The following SGCZ variants were observed in gnomAD, a reference collection of about 807,000 sequenced individuals.
SGCZ encodes zeta-sarcoglycan.
A neutral mutation model predicts 41.3 loss-of-function variants in SGCZ; 40 were observed. The observed-to-expected ratio is 0.97, with a 90% CI of 0.75 to 1.26. The LOEUF (loss-of-function observed/expected upper bound fraction) is 1.26, where lower values mean the gene tolerates loss of function less well. Among genes scored for constraint, SGCZ ranks in the 50% most tolerant of loss-of-function variants. The pLI, the probability that SGCZ is intolerant of heterozygous loss-of-function variation, is 0.00. For missense variants in SGCZ, 552 were observed against 369.8 expected (o/e 1.49, Z -4.04); for synonymous variants, 206 against 137.5 (o/e 1.50, Z -3.49).
At chr8:14,108,716 T>C (rs1024023642) in intron 5 of SGCZ, among the ~76,000 whole-genome samples, 1 of 152,084 alleles carries the variant, frequency 6.6e-6, no homozygotes, top group Non-Finnish European at 1.5e-5. Context: ...TATCACAGGA[T>C]ATGAATGAGA....
intron 5 of SGCZ, among the ~76,000 whole-genome samples, chr8:14,142,707 G>A (rs1451392110): frequency 6.6e-6 from 1 of 152,162 alleles, no homozygotes; most frequent in Non-Finnish European, 1.5e-5. Context: ...TGCTGGAGAT[G>A]GGCCTGGTGG....
chr8:14,121,101 T>A (rs957920459), intron 5 of SGCZ, among the ~76,000 whole-genome samples: 1 of 151,894 alleles, frequency 6.6e-6, no homozygotes, highest in African/African-American at 2.4e-5. Flanking sequence ...GCTAAGAGAG[T>A]CCCCAGAAAC....
chr8:14,361,777 T>C (rs749201116), intron 2 of SGCZ, among the ~76,000 whole-genome samples: 1 of 152,214 alleles, frequency 6.6e-6, no homozygotes, highest in Admixed American at 6.5e-5. Context: ...TTTTTGGAAT[T>C]TTCAGCCTTT....
At chr8:14,247,107 G>A (rs144135641) in intron 3 of SGCZ, among the ~76,000 whole-genome samples, 3 of 152,072 alleles carry the variant, frequency 2.0e-5, no homozygotes, top group Non-Finnish European at 2.9e-5. Context: ...TAATGCAGAA[G>A]AGAGATATTA....
In SGCZ at chr8:14,792,252, A is replaced by AT. The variant is rs955694404; in HGVS notation, c.40-237327dup. On this transcript the variant is annotated intron_variant, in intron 1 of 7. Coordinates refer to ENST00000382080, the MANE Select transcript of SGCZ (RefSeq NM_139167.4). ...ATAACATATGTGATTATAAACATAC[A>AT]TTTTTTCTTAATGATTAAGATGATT... 5.3e-5 allele frequency among the ~76,000 whole-genome samples: 8 copies of AT among 152,316 alleles called. No homozygotes were observed. The East Asian group carries it at 1.4e-3, about 26-fold the overall frequency.
chr8:14,278,677 A>C (rs564656587), intron 3 of SGCZ, among the ~76,000 whole-genome samples: 47 of 152,248 alleles, frequency 3.1e-4, no homozygotes, highest in African/African-American at 1.0e-3. Flanking sequence ...ATTGCCATTG[A>C]TTTGATATAA....
intron 1 of SGCZ, among the ~76,000 whole-genome samples, chr8:14,799,824 C>A (rs1410349140): frequency 6.6e-6 from 1 of 152,126 alleles, no homozygotes; most frequent in African/African-American, 2.4e-5. Context: ...CACACCCAAA[C>A]ATAACCTAGC....
At chr8:14,213,905 T>C (rs1024076269) in intron 4 of SGCZ, among the ~76,000 whole-genome samples, 5 of 152,286 alleles carry the variant, frequency 3.3e-5, no homozygotes, top group South Asian at 4.1e-4. Context: ...ATATCATTTA[T>C]GTAGCTACTT....
At chr8:15,126,789 T>C (rs1386504159) in intron 1 of SGCZ, among the ~76,000 whole-genome samples, 2 of 151,834 alleles carry the variant, frequency 1.3e-5, no homozygotes, top group East Asian at 1.9e-4. Flanking sequence ...GACTGAAGCA[T>C]TGGGCACATG....
chr8:14,913,551 A>T (rs755277271), intron 1 of SGCZ, among the ~76,000 whole-genome samples: 1 of 152,088 alleles, frequency 6.6e-6, no homozygotes, highest in Non-Finnish European at 1.5e-5. Flanking sequence ...TTCCTAGAAG[A>T]CTATGTTAAG....
chr8:14,646,021 G>A lies in SGCZ; in HGVS notation c.40-91095C>T, dbSNP rs572572021. Among the ~76,000 whole-genome samples the A allele has an allele frequency of 2.0e-5, 3 of 149,962 alleles. No individual in the cohort carries two copies. The East Asian group carries it at 5.9e-4, about 30-fold the overall frequency. On this transcript the variant is annotated intron_variant, in intron 1 of 7. Coordinates refer to ENST00000382080, the MANE Select transcript of SGCZ (RefSeq NM_139167.4). ...TCAGAATCTTGAACAAATTAAAGTA[G>A]CTTGTAGAGATAGTTTCCTTTTTTA...
chr8:15,220,114 C>G (rs979386618), intron 1 of SGCZ, among the ~76,000 whole-genome samples: 4 of 152,100 alleles, frequency 2.6e-5, no homozygotes, highest in Non-Finnish European at 5.9e-5. Context: ...CCACTGCCTA[C>G]AAGCACACTT....
intron 4 of SGCZ, among the ~76,000 whole-genome samples, chr8:14,212,400 A>T (rs1036199964): frequency 1.3e-5 from 2 of 151,738 alleles, no homozygotes; most frequent in Admixed American, 6.6e-5. Context: ...GAAGGCATCA[A>T]GCAGGAGCTT....
intron 1 of SGCZ, among the ~76,000 whole-genome samples, chr8:14,683,066 T>G (rs1808499710): frequency 6.6e-6 from 1 of 152,114 alleles, no homozygotes. Context: ...AAGCAACTTG[T>G]GAAAACCCAT....
chr8:15,188,962 A>C (rs1800439887), intron 1 of SGCZ, among the ~76,000 whole-genome samples: 1 of 152,086 alleles, frequency 6.6e-6, no homozygotes, highest in South Asian at 2.1e-4. Flanking sequence ...TTTGACATTC[A>C]TCCTCCATTC....
chr8:15,035,218 T>G (rs998425842), intron 1 of SGCZ, among the ~76,000 whole-genome samples: 3 of 152,152 alleles, frequency 2.0e-5, no homozygotes, highest in African/African-American at 7.2e-5. Flanking sequence ...TTGAGGGAAG[T>G]TGAAGTAAAA....
rs371368036 is a variant in SGCZ at position 14,108,138 on chromosome 8, C to G, written c.620+25G>C. On this transcript the variant is annotated intron_variant, in intron 6 of 7. Coordinates refer to ENST00000382080, the MANE Select transcript of SGCZ (RefSeq NM_139167.4). The stretch of plus-strand genomic sequence containing the variant: ...TTATCAACAATGATGGATTTTATGC[C>G]ACAGGTATAAGAGGAAGCCCTTACC... The G allele has an allele frequency of 1.9e-5, 30 of 1,608,646 alleles. No homozygotes were observed. In the African/African-American group the frequency reaches 3.2e-4, roughly 17 times the overall value.
chr8:14,791,287 T>C (rs1447061705), intron 1 of SGCZ, among the ~76,000 whole-genome samples: 1 of 152,042 alleles, frequency 6.6e-6, no homozygotes, highest in East Asian at 1.9e-4. Context: ...GAGTGTGAGA[T>C]CGAATTTATT....
chr8:14,386,835 A>G (rs1022848708), intron 2 of SGCZ, among the ~76,000 whole-genome samples: 1 of 152,224 alleles, frequency 6.6e-6, no homozygotes, highest in African/African-American at 2.4e-5. Flanking sequence ...GTATATTTTA[A>G]TATTAAAATT....
Sources: gnomAD v4.1 joint callset for allele counts (sites outside exome capture counted in the v4.1 genomes callset) on GRCh38, gnomAD v4.1.1 for gene constraint, MANE v1.5 for transcripts, NCBI Gene and HGNC (gene_info 2026-07-23, HGNC 2026-07-21) for gene names.